HAGH: variants seen among roughly 807,000 people sequenced by gnomAD.
The protein encoded by HAGH is hydroxyacylglutathione hydrolase, mitochondrial.
A neutral mutation model predicts 35.1 loss-of-function variants in HAGH; 29 were observed. The ratio of observed to expected loss-of-function variants is 0.83; its 90% CI spans 0.62 to 1.13. The LOEUF is 1.13. Among genes scored for constraint, HAGH ranks in the 50% most tolerant of loss-of-function variants. The pLI is 0.00. For missense variants in HAGH, 478 were observed against 419.6 expected (o/e 1.14, Z -1.22); for synonymous variants, 225 against 176.1 (o/e 1.28, Z -2.20).
chr16:1,816,940 C>T lies in HAGH; in HGVS notation c.700G>A (p.Val234Met), dbSNP rs560350072. 9.9e-6 allele frequency: 16 copies of T among 1,613,942 alleles called. No homozygotes were observed. The highest frequency in any genetic ancestry group is 8.0e-5 in the African/African-American group (6 of 75,052). ...TINNLKFARH[V>M]EPGNAAIREK... Reference sequence around the variant, plus strand: ...CGGATGGCGGCATTGCCGGGCTCCACGTGGCGTGCAAACTTGAGGTTGTTG... The same window carrying T: ...CGGATGGCGGCATTGCCGGGCTCCATGTGGCGTGCAAACTTGAGGTTGTTG... Residue 234 changes from valine to methionine, a missense_variant, in exon 7 of 9, where the codon GTG becomes ATG. Val to Met is a conservative substitution (Grantham distance 21). Transcript: ENST00000397356.
At position 1,817,169 on chromosome 16, in the gene HAGH, G is replaced by A. The variant is rs1468691504; in HGVS notation, c.644C>T (p.Thr215Ile). ...LEVLGRLPPDTRVYCGHEYTI... is the reference protein window; with the variant it reads ...LEVLGRLPPDIRVYCGHEYTI... ...GGCCCGCAGGGAGGCGCTGCCTACT[G>A]TGTCCGGGGGGAGCCGGCCCAAGAC... Residue 215 changes from threonine to isoleucine, a missense_variant and splice_region_variant, in exon 6 of 9, where the codon ACA (threonine) becomes ATA (isoleucine). By Grantham distance (89) the Thr-to-Ile change is moderately conservative. Transcript: ENST00000397356. 1.9e-6 allele frequency: 3 copies of A among 1,597,902 alleles called. No individual in the cohort carries two copies. The highest frequency in any genetic ancestry group is 1.3e-5 in the African/African-American group (1 of 74,624).
At chr16:1,820,872 G>A (rs1046800212) in intron 3 of HAGH, among the ~76,000 whole-genome samples, 1 of 152,190 alleles carries the variant, frequency 6.6e-6, no homozygotes, top group African/African-American at 2.4e-5. Flanking sequence ...CACCATCGGT[G>A]AGCAAACCCC....
At chr16:1,826,546 G>T in intron 1 of HAGH, 166 bp downstream of exon 1, 2 of 714,586 alleles carry the variant, frequency 2.8e-6, no homozygotes, top group Non-Finnish European at 3.4e-6. Context: ...CCCGCTCCGC[G>T]CCAGCCTCAG....
intron 2 of HAGH, among the ~76,000 whole-genome samples, 153 bp downstream of exon 2, chr16:1,822,712 C>A (rs985259364): frequency 6.6e-6 from 1 of 152,206 alleles, no homozygotes; most frequent in African/African-American, 2.4e-5. Flanking sequence ...TCGCCTCCAC[C>A]CTTCTTGGAG....
intron 7 of HAGH, 158 bp from the exon 8 acceptor site, chr16:1,809,991 C>A: frequency 1.6e-6 from 1 of 615,560 alleles, no homozygotes; most frequent in East Asian, 2.8e-5. Context: ...TGGCGAGACC[C>A]TGTGTCTACT....
Position 1,809,825 on chromosome 16 carries a change from G to A in HAGH, c.756C>T (p.Tyr252=). ...REKLAWAKEK[Y]SIGEPTVPST... is the part of the protein sequence containing the mutation. ...ATGGCACTGTGGGCTCCCCGATGCTGTACTTCTCCTGCAAGAGAAACGCAC... is the reference window on the plus strand; with the variant it reads ...ATGGCACTGTGGGCTCCCCGATGCTATACTTCTCCTGCAAGAGAAACGCAC... The change falls in exon 8 of 9, where the codon TAC becomes TAT. Residue 252 remains tyrosine (Y), a synonymous_variant. Transcript: ENST00000397356. The A allele has an allele frequency of 1.9e-6, 3 of 1,612,916 alleles. No individual in the cohort carries two copies. Among genetic ancestry groups the A allele is most frequent in the East Asian group, 2.2e-5 (1 of 44,880 alleles).
At chr16:1,816,325 T>C (rs954141647) in intron 7 of HAGH, among the ~76,000 whole-genome samples, 2 of 151,920 alleles carry the variant, frequency 1.3e-5, no homozygotes, top group Non-Finnish European at 2.9e-5. Context: ...TTGAAAAAGA[T>C]GCTCAAAAAA....
intron 7 of HAGH, among the ~76,000 whole-genome samples, chr16:1,815,097 C>T (rs926695164): frequency 2.2e-5 from 3 of 135,622 alleles, no homozygotes; most frequent in African/African-American, 8.3e-5. Context: ...CAAAGGCCGA[C>T]ACACATGAAA....
At chr16:1,809,875 G>A in intron 7 of HAGH, 42 bp from the exon 8 acceptor site, 1 of 1,477,904 alleles carries the variant, frequency 6.8e-7, no homozygotes, top group Admixed American at 1.7e-5. Context: ...AACTTCACAG[G>A]ATGGCAGACC....
chr16:1,822,162 C>T (rs1898180781), intron 3 of HAGH, 138 bp downstream of exon 3: 2 of 644,324 alleles, frequency 3.1e-6, no homozygotes, highest in South Asian at 3.4e-5. Context: ...AGTCCCGGGT[C>T]TTTCTCAGAA....
intron 8 of HAGH, 80 bp from the exon 9 acceptor site, chr16:1,809,462 A>C (rs1351972733): frequency 8.3e-7 from 1 of 1,208,060 alleles, no homozygotes; most frequent in Non-Finnish European, 1.2e-6. Context: ...GAGGAAGGCG[A>C]CTCGTGCTGG....
chr16:1,809,416 C>A (rs766834507), intron 8 of HAGH, 34 bp from the exon 9 acceptor site: 3 of 1,559,432 alleles, frequency 1.9e-6, no homozygotes, highest in Non-Finnish European at 2.6e-6. Flanking sequence ...CAGGCTGTGC[C>A]GAGCCACGCC....
chr16:1,822,247 C>A (rs370531794), intron 3 of HAGH, 53 bp downstream of exon 3: 2 of 1,218,258 alleles, frequency 1.6e-6, no homozygotes, highest in East Asian at 2.4e-5. Context: ...CTAAACCCAC[C>A]GGGGCGAGAA....
At chr16:1,826,835 C>A (rs1393833580), upstream of HAGH, 16 of 1,156,562 alleles carry the variant, frequency 1.4e-5, no homozygotes, top group East Asian at 3.1e-5. Context: ...TGCAAAACAC[C>A]GGCGTCGGCG....
chr16:1,825,850 A>AG (rs1898381947), intron 1 of HAGH, among the ~76,000 whole-genome samples: 1 of 152,244 alleles, frequency 6.6e-6, no homozygotes, highest in African/African-American at 2.4e-5. Flanking sequence ...CTGGGATGAC[A>AG]GGCGTGCGTC....
chr16:1,814,097 C>A (rs1254748118), intron 7 of HAGH, among the ~76,000 whole-genome samples: 3 of 152,212 alleles, frequency 2.0e-5, no homozygotes, highest in African/African-American at 7.2e-5. Context: ...GACTTTAAAA[C>A]TTCTAGGAAG....
chr16:1,816,056 T>C (rs1220089897), intron 7 of HAGH, among the ~76,000 whole-genome samples: 1 of 145,890 alleles, frequency 6.9e-6, no homozygotes, highest in Non-Finnish European at 1.5e-5. Context: ...TTCTCCTGCC[T>C]CAGCCTCCTG....
At chr16:1,819,026 G>A (rs1898027785) in intron 5 of HAGH, 89 bp downstream of exon 5, 3 of 798,058 alleles carry the variant, frequency 3.8e-6, no homozygotes, top group Non-Finnish European at 6.4e-6. Flanking sequence ...CAACAGAGAA[G>A]GCCACGAAGC....
intron 7 of HAGH, among the ~76,000 whole-genome samples, chr16:1,816,053 G>A (rs1485241429): frequency 7.0e-6 from 1 of 141,904 alleles, no homozygotes; most frequent in Non-Finnish European, 1.5e-5. Flanking sequence ...CGATTCTCCT[G>A]CCTCAGCCTC....
Sources: allele counts gnomAD v4.1 joint callset (sites outside exome capture counted in the v4.1 genomes callset), GRCh38; gene constraint gnomAD v4.1.1; transcripts MANE v1.5; gene names NCBI Gene and HGNC (gene_info 2026-07-23, HGNC 2026-07-21).